The following SHLD1 variants were observed in gnomAD, a reference collection of about 807,000 sequenced individuals.
SHLD1 encodes shieldin complex subunit 1, also known as RINN1-REV7-interacting novel NHEJ regulator 3.
A neutral mutation model predicts 5.5 loss-of-function variants in SHLD1; 3 were observed. The observed-to-expected ratio is 0.54, with a 90% CI of 0.25 to 1.40. The LOEUF (loss-of-function observed/expected upper bound fraction) is 1.40. SHLD1 is among the 40% of genes most tolerant of loss of function. The pLI is 0.15. For synonymous variants in SHLD1, 92 were observed against 94.3 expected (o/e 0.98, Z 0.14); for missense variants, 210 against 244.4 (o/e 0.86, Z 0.94).
intron 1 of SHLD1, among the ~76,000 whole-genome samples, chr20:5,757,689 G>A (rs901557690): frequency 2.1e-4 from 32 of 152,118 alleles, no homozygotes; most frequent in African/African-American, 6.5e-4. Context: ...TGCAACCTCC[G>A]CCTCCCAGGT....
chr20:5,793,918 CA>C (rs1221238450), intron 2 of SHLD1, among the ~76,000 whole-genome samples: 2 of 152,086 alleles, frequency 1.3e-5, no homozygotes, highest in African/African-American at 4.8e-5. Flanking sequence ...CCATGTTGGC[CA>C]GGCTGGTCTT....
intron 1 of SHLD1, chr20:5,772,310 TACC>T (rs751517963): frequency 2.2e-5 from 8 of 368,182 alleles, no homozygotes; most frequent in Non-Finnish European, 5.5e-6. Context: ...AGCACTGTGA[TACC>T]ACAACAGTCC....
In SHLD1 at chr20:5,832,659, GA is replaced by G. The variant is rs1213206864; in HGVS notation, c.179-30357del. Among the ~76,000 whole-genome samples, 5 of 151,112 alleles carry G rather than the reference GA, an allele frequency of 3.3e-5. No homozygotes were observed. In the South Asian group the frequency reaches 6.3e-4, roughly 19 times the overall value. On this transcript the variant is annotated intron_variant, in intron 2 of 2. Transcript: ENST00000303142. Reference sequence around the variant, plus strand: ...GTATATACATTATGCTCCAAATCACGAAAAAAAAGTATTCTTCCGGGGTAAA... The same window carrying G: ...GTATATACATTATGCTCCAAATCACGAAAAAAAGTATTCTTCCGGGGTAAA...
chr20:5,759,494 C>T (rs1053170633), intron 1 of SHLD1, among the ~76,000 whole-genome samples: 1 of 152,038 alleles, frequency 6.6e-6, no homozygotes, highest in South Asian at 2.1e-4. Context: ...CTTCTGGCCC[C>T]AAGTGATCCA....
At chr20:5,802,821 A>G (rs941154857) in intron 2 of SHLD1, among the ~76,000 whole-genome samples, 2 of 151,954 alleles carry the variant, frequency 1.3e-5, no homozygotes, top group Non-Finnish European at 2.9e-5. Context: ...GTCTCAAGCA[A>G]TTCATCCACC....
intron 2 of SHLD1, 114 bp downstream of exon 2, chr20:5,773,157 CT>C: frequency 8.1e-7 from 1 of 1,230,374 alleles, no homozygotes; most frequent in South Asian, 1.2e-5. Context: ...GCTTCATTGT[CT>C]TAGGCAGAAA....
At chr20:5,823,456 T>G (rs1317942677) in intron 2 of SHLD1, among the ~76,000 whole-genome samples, 4 of 151,572 alleles carry the variant, frequency 2.6e-5, no homozygotes, top group Non-Finnish European at 4.4e-5. Context: ...TTTTTTGTTT[T>G]TTTTTTTTTG....
chr20:5,848,306 G>A (rs776605967), intron 2 of SHLD1, among the ~76,000 whole-genome samples: 21 of 152,192 alleles, frequency 1.4e-4, no homozygotes, highest in Non-Finnish European at 2.2e-4. Context: ...TTGGGAGGCC[G>A]AGGCGGGCAG....
intron 2 of SHLD1, among the ~76,000 whole-genome samples, chr20:5,823,443 TTGTTTTTTG>T (rs2087630573): frequency 9.4e-6 from 1 of 106,374 alleles, no homozygotes; most frequent in East Asian, 2.6e-4. Flanking sequence ...TTGTTTTTTG[TTGTTTTTTG>T]TTTTTTTTTT....
intron 2 of SHLD1, among the ~76,000 whole-genome samples, chr20:5,817,468 G>A (rs2876001): frequency 0.066 from 8,383 of 126,806 alleles, 255 homozygotes; most frequent in Non-Finnish European, 0.094. Context: ...GTGTGTGTGT[G>A]TGTGTTGGGA....
intron 2 of SHLD1, among the ~76,000 whole-genome samples, chr20:5,804,006 C>T (rs570362283): frequency 6.6e-6 from 1 of 151,418 alleles, no homozygotes; most frequent in East Asian, 2.0e-4. Context: ...AGTCTTATGG[C>T]GAGATCAATA....
intron 2 of SHLD1, among the ~76,000 whole-genome samples, chr20:5,823,510 C>T (rs918602723): frequency 4.0e-5 from 6 of 151,126 alleles, no homozygotes; most frequent in Non-Finnish European, 7.4e-5. Context: ...TGTAATGACG[C>T]GATCTCAGCT....
intron 2 of SHLD1, among the ~76,000 whole-genome samples, chr20:5,774,351 C>T (rs1010361086): frequency 6.6e-6 from 1 of 152,132 alleles, no homozygotes; most frequent in African/African-American, 2.4e-5. Flanking sequence ...ACTGTCATTG[C>T]CTTCAAGAAT....
At chr20:5,803,417 T>C (rs1420119441) in intron 2 of SHLD1, among the ~76,000 whole-genome samples, 1 of 152,058 alleles carries the variant, frequency 6.6e-6, no homozygotes, top group Non-Finnish European at 1.5e-5. Flanking sequence ...GATCCTTCCG[T>C]CTCAGCCTCC....
chr20:5,762,124 C>T (rs748627550), intron 1 of SHLD1, among the ~76,000 whole-genome samples: 33 of 151,424 alleles, frequency 2.2e-4, no homozygotes, highest in Admixed American at 5.9e-4. Flanking sequence ...TGGTGGTGGG[C>T]ACCTGTAATC....
intron 2 of SHLD1, among the ~76,000 whole-genome samples, chr20:5,821,707 G>T (rs557336103): frequency 6.6e-6 from 1 of 152,252 alleles, no homozygotes; most frequent in South Asian, 2.1e-4. Context: ...TCATGAGGTG[G>T]CCGCCAAGTG....
chr20:5,832,740 A>C (rs1403264598), intron 2 of SHLD1, among the ~76,000 whole-genome samples: 1 of 152,104 alleles, frequency 6.6e-6, no homozygotes, highest in African/African-American at 2.4e-5. Context: ...AGCAGGGATC[A>C]TACAAACCTG....
At chr20:5,788,497 T>C (rs1568502927) in intron 2 of SHLD1, among the ~76,000 whole-genome samples, 2 of 152,004 alleles carry the variant, frequency 1.3e-5, no homozygotes, top group East Asian at 3.9e-4. Flanking sequence ...GGCCTGGAGG[T>C]GGTGCCTGGC....
At chr20:5,854,551 C>G (rs1199526057) in intron 2 of SHLD1, among the ~76,000 whole-genome samples, 1 of 152,168 alleles carries the variant, frequency 6.6e-6, no homozygotes, top group African/African-American at 2.4e-5. Context: ...GAAAGGCAAT[C>G]AAGCTATGAG....
Sources: allele counts gnomAD v4.1 joint callset (sites outside exome capture counted in the v4.1 genomes callset), GRCh38; gene constraint gnomAD v4.1.1; transcripts MANE v1.5; gene names NCBI Gene and HGNC (gene_info 2026-07-23, HGNC 2026-07-21).